SDCBP: variants seen among roughly 807,000 people sequenced by gnomAD.
The protein encoded by SDCBP is syntenin-1.
In SDCBP, 22 loss-of-function variants were observed where a neutral mutation model predicts 30.5. The ratio of observed to expected loss-of-function variants is 0.72; its 90% CI spans 0.52 to 1.03. SDCBP has a LOEUF of 1.03. SDCBP is among the 50% of genes least tolerant of loss of function. SDCBP has a pLI of 0.00. For synonymous variants in SDCBP, 103 were observed against 118.7 expected (o/e 0.87, Z 0.86); for missense variants, 304 against 369.9 (o/e 0.82, Z 1.46).
At chr8:58,575,622 T>A (rs1424199385) in intron 4 of SDCBP, among the ~76,000 whole-genome samples, 2 of 152,160 alleles carry the variant, frequency 1.3e-5, no homozygotes, top group African/African-American at 2.4e-5. Context: ...AAATTTGAGA[T>A]GAAGACAAGC....
intron 1 of SDCBP, chr8:58,561,929 G>A (rs1804460893): frequency 3.9e-6 from 2 of 517,340 alleles, no homozygotes; most frequent in Non-Finnish European, 6.8e-6. Flanking sequence ...GGGGATGGAT[G>A]AGAAGAAGCA....
chr8:58,558,947 G>C (rs915856127), intron 1 of SDCBP, among the ~76,000 whole-genome samples: 1 of 152,106 alleles, frequency 6.6e-6, no homozygotes, highest in African/African-American at 2.4e-5. Flanking sequence ...TTAATGAAAT[G>C]GGTCAAGAAA....
intron 1 of SDCBP, among the ~76,000 whole-genome samples, chr8:58,553,558 G>T (rs564935370): frequency 3.6e-4 from 54 of 148,638 alleles, no homozygotes; most frequent in Non-Finnish European, 1.1e-4. Context: ...TCCTGCCCGG[G>T]CTGGGGCTGG....
At chr8:58,560,598 C>G (rs1256564801) in intron 1 of SDCBP, 1 of 152,238 alleles carries the variant, frequency 6.6e-6, no homozygotes, top group Admixed American at 6.6e-5. Context: ...CTCCAGAGAA[C>G]CTGAAGTACC....
At chr8:58,563,119 C>T (rs1804523927) in intron 1 of SDCBP, among the ~76,000 whole-genome samples, 1 of 152,104 alleles carries the variant, frequency 6.6e-6, no homozygotes, top group Admixed American at 6.6e-5. Context: ...TATTTGCTAA[C>T]AATGCAAATG....
At chr8:58,555,294 G>A (rs112243787) in intron 1 of SDCBP, among the ~76,000 whole-genome samples, 16 of 152,222 alleles carry the variant, frequency 1.1e-4, no homozygotes, top group Non-Finnish European at 2.1e-4. Context: ...TTAGAATTTC[G>A]GTAAGATAAC....
chr8:58,567,451 C>T (rs1315203931), intron 2 of SDCBP, among the ~76,000 whole-genome samples: 2 of 152,176 alleles, frequency 1.3e-5, no homozygotes, highest in African/African-American at 4.8e-5. Context: ...CTCACACATG[C>T]ACAACCTCCC....
chr8:58,572,368 G>C, intron 4 of SDCBP, 54 bp downstream of exon 4: 2 of 1,208,540 alleles, frequency 1.7e-6, no homozygotes, highest in Non-Finnish European at 2.4e-6. Context: ...TTACATGTTA[G>C]TATAAGCTTT....
chr8:58,582,568 CTA>C lies in SDCBP; in HGVS notation c.*832_*833del, dbSNP rs1805753563. 6.6e-6 allele frequency: 1 copy of C among 152,564 alleles called. No individual in the cohort carries two copies. The highest frequency in any genetic ancestry group is 1.5e-5 in the Non-Finnish European group (1 of 68,016). 9.5% of individuals were successfully genotyped at this position (152,564 alleles called of 1,614,324 possible). On this transcript the variant is annotated 3_prime_UTR_variant, in exon 9 of 9. Transcript: ENST00000260130. ...AGTGCCACTTTTAAGAAGTGAATCACTATATGTGATGTAAAAGTTATTACACT... is the reference window on the plus strand; with the variant it reads ...AGTGCCACTTTTAAGAAGTGAATCACTATGTGATGTAAAAGTTATTACACT...
chr8:58,572,310 AG>A lies in SDCBP; in HGVS notation c.240+1del. On this transcript the variant is annotated frameshift_variant, in exon 4 of 9. Transcript: ENST00000260130. LOFTEE classifies it high-confidence loss of function. ...NVAVVSGAPL[Q>X]GQLVARPSSI... ...GCCGTGGTTTCTGGTGCACCACTTC[AG>A]GGGGTATGTATAGTGTAATTAATTT... The A allele has an allele frequency of 6.3e-7, 1 of 1,580,264 alleles. No homozygotes were observed. Among genetic ancestry groups the A allele is most frequent in the Non-Finnish European group, 8.7e-7 (1 of 1,149,822 alleles).
intron 4 of SDCBP, among the ~76,000 whole-genome samples, chr8:58,573,817 A>G (rs1805175104): frequency 6.6e-6 from 1 of 152,218 alleles, no homozygotes; most frequent in Non-Finnish European, 1.5e-5. Context: ...GACAAACAGT[A>G]GTTTAATATC....
intron 8 of SDCBP, among the ~76,000 whole-genome samples, chr8:58,581,158 A>G (rs1467631439): frequency 6.6e-6 from 1 of 152,210 alleles, no homozygotes; most frequent in African/African-American, 2.4e-5. Context: ...CATCTACCAT[A>G]GCTGTTTTTG....
rs1435663361 is a variant in SDCBP, at chr8:58,579,558, A to G, written c.579-65A>G. The G allele has an allele frequency of 4.8e-6, 6 of 1,255,090 alleles. No homozygotes were observed. The South Asian group carries it at 9.2e-5, about 19-fold the overall frequency. The allele number at this position is 1,255,090 out of a possible 1,614,324, so 77.7% of individuals were successfully genotyped here. A position where few individuals can be genotyped will look rare whatever the true frequency, so the allele number is the denominator to read the frequency against. ...TATCCAATATGGCAACATTTATGCT[A>G]TATGAAATCCATTAAAATGTTTAGC... On this transcript the variant is annotated intron_variant, in intron 6 of 8. Coordinates refer to ENST00000260130, the MANE Select transcript of SDCBP (RefSeq NM_005625.4).
chr8:58,568,351 A>G (rs1229684932), intron 2 of SDCBP, among the ~76,000 whole-genome samples: 2 of 152,150 alleles, frequency 1.3e-5, no homozygotes, highest in African/African-American at 4.8e-5. Context: ...CCACCTCCAC[A>G]TCATCCCACT....
chr8:58,555,938 A>G (rs1423012896), intron 1 of SDCBP, among the ~76,000 whole-genome samples: 1 of 152,180 alleles, frequency 6.6e-6, no homozygotes, highest in Non-Finnish European at 1.5e-5. Context: ...AAGTGAAATT[A>G]AAGACATAAT....
At chr8:58,564,331 A>C (rs1804594838) in intron 1 of SDCBP, among the ~76,000 whole-genome samples, 1 of 152,246 alleles carries the variant, frequency 6.6e-6, no homozygotes, top group Admixed American at 6.5e-5. Context: ...AATAAAATTT[A>C]AAATATGCAT....
intron 1 of SDCBP, among the ~76,000 whole-genome samples, chr8:58,562,047 A>C (rs1393611884): frequency 1.3e-5 from 2 of 151,834 alleles, no homozygotes; most frequent in Admixed American, 6.6e-5. Context: ...ATACACACAC[A>C]CAAATAAGGA....
At chr8:58,570,765 T>C (rs1415660091) in intron 2 of SDCBP, 122 bp from the exon 3 acceptor site, 2 of 662,958 alleles carry the variant, frequency 3.0e-6, no homozygotes, top group African/African-American at 3.6e-5. Context: ...AAATTAAACT[T>C]TCTTACATAA....
chr8:58,581,642 A>G lies in SDCBP; in HGVS notation c.843-44A>G, dbSNP rs759231550. 45 of 1,511,008 alleles carry G rather than the reference A, an allele frequency of 3.0e-5. No individual in the cohort carries two copies. In the Admixed American group the frequency reaches 7.8e-4, roughly 26 times the overall value. The allele number at this position is 1,511,008 out of a possible 1,614,324, so 93.6% of individuals were successfully genotyped here. A position where few individuals can be genotyped will look rare whatever the true frequency, so the allele number is the denominator to read the frequency against. ...GGATTAATGTAGCATTTTGAAAAACAAAAACCAGAATCTCGGTATATAATA... is the reference window on the plus strand; with the variant it reads ...GGATTAATGTAGCATTTTGAAAAACGAAAACCAGAATCTCGGTATATAATA... On this transcript the variant is annotated intron_variant, in intron 8 of 8. Coordinates refer to ENST00000260130, the MANE Select transcript of SDCBP (RefSeq NM_005625.4).
Sources: gnomAD v4.1 joint callset for allele counts (sites outside exome capture counted in the v4.1 genomes callset) on GRCh38, gnomAD v4.1.1 for gene constraint, MANE v1.5 for transcripts, NCBI Gene and HGNC (gene_info 2026-07-23, HGNC 2026-07-21) for gene names.